The following SUPT3H variants were observed in gnomAD, a reference collection of about 807,000 sequenced individuals.
SUPT3H encodes the protein transcription initiation protein SPT3 homolog.
Under a neutral mutation model 44.3 loss-of-function variants are expected in SUPT3H, and 44 were observed. That is an observed-to-expected ratio of 0.99 (90% CI 0.78 to 1.28). The LOEUF (loss-of-function observed/expected upper bound fraction) is 1.28. Among genes scored for constraint, SUPT3H ranks in the 50% most tolerant of loss-of-function variants. The pLI, the probability that SUPT3H is intolerant of heterozygous loss-of-function variation, is 0.00. For missense variants in SUPT3H, 380 were observed against 387.1 expected (o/e 0.98, Z 0.15); for synonymous variants, 124 against 125.6 (o/e 0.99, Z 0.09).
At chr6:45,276,741 C>A (rs76085522) in intron 2 of SUPT3H, among the ~76,000 whole-genome samples, 3,884 of 152,230 alleles carry the variant, frequency 0.026, 192 homozygotes, top group African/African-American at 0.088. Context: ...AAAACCAAGT[C>A]AAACAGTTCC....
chr6:45,100,011 G>A (rs894512585), intron 3 of SUPT3H, among the ~76,000 whole-genome samples: 1 of 151,842 alleles, frequency 6.6e-6, no homozygotes, highest in Non-Finnish European at 1.5e-5. Context: ...TTCAATAAAC[G>A]GTGCTGGAAA....
At chr6:45,218,889 T>C (rs914285297) in intron 2 of SUPT3H, among the ~76,000 whole-genome samples, 26 of 152,158 alleles carry the variant, frequency 1.7e-4, no homozygotes, top group African/African-American at 6.0e-4. Flanking sequence ...GAAACAAATC[T>C]CAACATATTT....
chr6:45,289,211 TTG>T (rs1225702370), intron 2 of SUPT3H, among the ~76,000 whole-genome samples: 3 of 152,122 alleles, frequency 2.0e-5, no homozygotes, highest in African/African-American at 7.2e-5. Flanking sequence ...TGTTGTTAAA[TTG>T]TTACTAAAAT....
chr6:45,049,491 C>A (rs6924185), intron 3 of SUPT3H, among the ~76,000 whole-genome samples: 34,237 of 152,104 alleles, frequency 0.23, 4,529 homozygotes, highest in Non-Finnish European at 0.31. Context: ...TATGGATTTT[C>A]TAGGTCCCCT....
rs115818515 is a variant in SUPT3H at position 45,025,950 on chromosome 6, G to A, written c.187-5318C>T. Among the ~76,000 whole-genome samples, 1,149 of 151,838 alleles carry A rather than the reference G, an allele frequency of 7.6e-3. 14 individuals carry two copies. Among genetic ancestry groups the A allele is most frequent in the African/African-American group, 0.026 (1,083 of 41,416 alleles). On this transcript the variant is annotated intron_variant, in intron 3 of 10. Coordinates refer to ENST00000371459, the MANE Select transcript of SUPT3H (RefSeq NM_003599.4). ...TTCCACAATTACTAAGCTACTGAAA[G>A]TATTTTAATGAGACTTCCATTGCAG... is the stretch of plus-strand genomic sequence containing the variant.
rs1186884724 is a variant in SUPT3H at position 44,826,782 on chromosome 6, G to A, written c.*3034C>T. On this transcript the variant is annotated 3_prime_UTR_variant, in exon 11 of 11. Transcript: ENST00000371459. ...TTTATTTGTCTTCTACATGGTAAAAGCATCAGACATGGCTTGTTTATTATT... is the reference window on the plus strand; with the variant it reads ...TTTATTTGTCTTCTACATGGTAAAAACATCAGACATGGCTTGTTTATTATT... Among the ~76,000 whole-genome samples, 2 of 152,106 alleles carry A rather than the reference G, an allele frequency of 1.3e-5. No homozygotes were observed. The highest frequency in any genetic ancestry group is 3.8e-4 in the East Asian group (2 of 5,202).
chr6:45,105,681 T>C (rs1799175714), intron 3 of SUPT3H, among the ~76,000 whole-genome samples: 1 of 152,214 alleles, frequency 6.6e-6, no homozygotes, highest in South Asian at 2.1e-4. Flanking sequence ...AGGGTTTGTT[T>C]TAGATTATGC....
downstream of SUPT3H, among the ~76,000 whole-genome samples, chr6:44,826,660 T>A (rs925839400): frequency 1.8e-4 from 27 of 152,326 alleles, no homozygotes; most frequent in African/African-American, 6.0e-4. Context: ...CATTGCCTGA[T>A]TTGAGAACTA....
chr6:45,172,293 G>T (rs1010944977), intron 2 of SUPT3H, among the ~76,000 whole-genome samples: 4 of 151,356 alleles, frequency 2.6e-5, no homozygotes, highest in African/African-American at 9.7e-5. Flanking sequence ...GAATGGTCTC[G>T]ATCTCTGGAC....
intron 10 of SUPT3H, among the ~76,000 whole-genome samples, chr6:44,843,156 C>T (rs938387481): frequency 2.0e-5 from 3 of 151,992 alleles, no homozygotes; most frequent in Admixed American, 6.6e-5. Context: ...TGTTTTATAT[C>T]GGTGCTTTAA....
chr6:45,130,727 T>TTTG (rs1803342004), intron 2 of SUPT3H, among the ~76,000 whole-genome samples: 4 of 143,944 alleles, frequency 2.8e-5, no homozygotes, highest in Non-Finnish European at 4.6e-5. Context: ...TTTTTTTTTT[T>TTTG]TTTTTTTCAG....
intron 2 of SUPT3H, among the ~76,000 whole-genome samples, chr6:45,204,188 A>G (rs1271890205): frequency 6.6e-6 from 1 of 150,892 alleles, no homozygotes; most frequent in African/African-American, 2.4e-5. Context: ...TGGAGGTTGC[A>G]GTGAGCCGAG....
At chr6:45,188,914 C>A (rs941658832) in intron 2 of SUPT3H, among the ~76,000 whole-genome samples, 3 of 152,050 alleles carry the variant, frequency 2.0e-5, no homozygotes, top group East Asian at 1.9e-4. Flanking sequence ...GTATAATAAA[C>A]CTTTAAGGTG....
In SUPT3H at chr6:45,321,770, T is replaced by C. The variant is rs376764777; in HGVS notation, c.101+43431A>G. The C allele has an allele frequency of 3.1e-5, 46 of 1,506,228 alleles. No individual in the cohort carries two copies. The South Asian group carries it at 3.4e-4, about 11-fold the overall frequency. 93.3% of individuals were successfully genotyped at this position (1,506,228 alleles called of 1,614,324 possible). ...ATAAACTTGTTCTCTTGAAAAGCGATAGGAACACAATTTCCCACTACTTAC... is the reference window on the plus strand; with the variant it reads ...ATAAACTTGTTCTCTTGAAAAGCGACAGGAACACAATTTCCCACTACTTAC... On this transcript the variant is annotated intron_variant, in intron 2 of 10. Coordinates refer to ENST00000371459, the MANE Select transcript of SUPT3H (RefSeq NM_003599.4).
chr6:45,365,715 A>C (rs1795020315), intron 1 of SUPT3H, among the ~76,000 whole-genome samples: 3 of 149,848 alleles, frequency 2.0e-5, no homozygotes, highest in East Asian at 1.9e-4. Flanking sequence ...GCCACGGAAC[A>C]ACCCTGATTT....
At chr6:45,042,556 TG>T (rs948328106) in intron 3 of SUPT3H, among the ~76,000 whole-genome samples, 3 of 152,208 alleles carry the variant, frequency 2.0e-5, no homozygotes, top group Non-Finnish European at 2.9e-5. Context: ...AATTAGTTGT[TG>T]TTTTTTTTAA....
chr6:45,198,008 C>G lies in SUPT3H; in HGVS notation c.102-92002G>C, dbSNP rs566749695. On this transcript the variant is annotated intron_variant, in intron 2 of 10. Coordinates refer to ENST00000371459, the MANE Select transcript of SUPT3H (RefSeq NM_003599.4). Reference sequence around the variant, plus strand: ...TTAATAACCCAAACTTGATAATGTTCCATCACTGCATTTCTAGAAATAAAA... The same window carrying G: ...TTAATAACCCAAACTTGATAATGTTGCATCACTGCATTTCTAGAAATAAAA... Among the ~76,000 whole-genome samples, 15 of 151,244 alleles carry G rather than the reference C, an allele frequency of 9.9e-5. No individual in the cohort carries two copies. The East Asian group carries it at 2.5e-3, about 25-fold the overall frequency.
chr6:45,338,337 GC>G (rs1484948417), intron 2 of SUPT3H, among the ~76,000 whole-genome samples: 1 of 136,154 alleles, frequency 7.3e-6, no homozygotes, highest in Non-Finnish European at 1.7e-5. Context: ...TCCAGATGTA[GC>G]TCTCATAAAA....
chr6:44,831,620 ATTT>A (rs1352541911), intron 10 of SUPT3H, among the ~76,000 whole-genome samples: 10 of 152,294 alleles, frequency 6.6e-5, no homozygotes, highest in Admixed American at 2.6e-4. Context: ...ATCATGTATT[ATTT>A]AAAGCACAGG....
Sources: gnomAD v4.1 joint callset for allele counts (sites outside exome capture counted in the v4.1 genomes callset) on GRCh38, gnomAD v4.1.1 for gene constraint, MANE v1.5 for transcripts, NCBI Gene and HGNC (gene_info 2026-07-23, HGNC 2026-07-21) for gene names.